PRKAR1B: variants seen among roughly 807,000 people sequenced by gnomAD.
PRKAR1B encodes the protein cAMP-dependent protein kinase type I-beta regulatory subunit.
PRKAR1B carries 22 observed loss-of-function variants against 46.5 expected under a neutral mutation model. That is an observed-to-expected ratio of 0.47 (90% CI 0.34 to 0.68). The LOEUF (loss-of-function observed/expected upper bound fraction) is 0.68, where lower values mean the gene tolerates loss of function less well. Ranked by LOEUF, PRKAR1B falls within the 30% of genes least tolerant of loss-of-function variation. The pLI, the probability that PRKAR1B is intolerant of heterozygous loss-of-function variation, is 0.01. For synonymous variants in PRKAR1B, 259 were observed against 217.7 expected (o/e 1.19, Z -1.67); for missense variants, 445 against 535.6 (o/e 0.83, Z 1.67).
chr7:590,031 G>T (rs1043355529), intron 7 of PRKAR1B, among the ~76,000 whole-genome samples: 21 of 152,216 alleles, frequency 1.4e-4, no homozygotes, highest in African/African-American at 5.1e-4. Flanking sequence ...AGGGAGAGGG[G>T]GCTCAACACC....
intron 4 of PRKAR1B, among the ~76,000 whole-genome samples, chr7:628,909 G>A (rs886287383): frequency 1.3e-5 from 2 of 151,928 alleles, no homozygotes; most frequent in Admixed American, 6.6e-5. Flanking sequence ...CGTCGGGGAC[G>A]GGGTGGAGGT....
At chr7:659,396 C>G (rs1417407416) in intron 4 of PRKAR1B, among the ~76,000 whole-genome samples, 1 of 152,162 alleles carries the variant, frequency 6.6e-6, no homozygotes, top group East Asian at 1.9e-4. Flanking sequence ...TAGTGGAGCA[C>G]TTCCAACTGC....
At chr7:565,249 C>G (rs997042110) in intron 9 of PRKAR1B, 70 of 152,272 alleles carry the variant, frequency 4.6e-4, no homozygotes, top group African/African-American at 1.6e-3. Flanking sequence ...AGGTGTCCAG[C>G]TTGGATGTCT....
At chr7:641,752 ATG>A (rs749458480) in intron 4 of PRKAR1B, among the ~76,000 whole-genome samples, 1 of 152,236 alleles carries the variant, frequency 6.6e-6, no homozygotes, top group Non-Finnish European at 1.5e-5. Flanking sequence ...GACTCTATTT[ATG>A]TGTTTATTTA....
chr7:569,178 G>A (rs1264287086), intron 9 of PRKAR1B, among the ~76,000 whole-genome samples: 1 of 152,144 alleles, frequency 6.6e-6, no homozygotes, highest in Non-Finnish European at 1.5e-5. Flanking sequence ...GTCTCAGTCC[G>A]CAAGCGGCAT....
chr7:727,274 A>G lies in PRKAR1B; in HGVS notation c.-87T>C. ...GACCCCTTCGCCGCCGTGCGCCGCG[A>G]GAGCTGCAGCTGCGCCGCCGCCCTG... On this transcript the variant is annotated 5_prime_UTR_variant, in exon 1 of 11. Transcript: ENST00000537384. 1 of 1,320,358 alleles carries G rather than the reference A, an allele frequency of 7.6e-7. No individual in the cohort carries two copies. Among genetic ancestry groups the G allele is most frequent in the East Asian group, 3.2e-5 (1 of 31,154 alleles). The allele number at this position is 1,320,358 out of a possible 1,614,324, so 81.8% of individuals were successfully genotyped here. A position where few individuals can be genotyped will look rare whatever the true frequency, so the allele number is the denominator to read the frequency against.
chr7:601,776 C>T (rs1781616196), intron 6 of PRKAR1B, among the ~76,000 whole-genome samples: 5 of 152,210 alleles, frequency 3.3e-5, no homozygotes, highest in Admixed American at 2.6e-4. Flanking sequence ...GGCCATCCCA[C>T]GTGAGCCTGT....
intron 4 of PRKAR1B, among the ~76,000 whole-genome samples, chr7:610,415 G>C (rs1277324398): frequency 1.3e-5 from 2 of 152,172 alleles, no homozygotes; most frequent in African/African-American, 4.8e-5. Flanking sequence ...AGCCTCACTG[G>C]GTTGCTCCGT....
chr7:616,359 C>T (rs747889773), intron 4 of PRKAR1B, among the ~76,000 whole-genome samples: 1 of 152,246 alleles, frequency 6.6e-6, no homozygotes, highest in Non-Finnish European at 1.5e-5. Flanking sequence ...CCCAGAGTCA[C>T]GCTTCCACCT....
intron 2 of PRKAR1B, among the ~76,000 whole-genome samples, chr7:682,316 C>T (rs1228194951): frequency 3.3e-5 from 5 of 152,130 alleles, no homozygotes; most frequent in African/African-American, 7.2e-5. Context: ...AGGCCAAGTG[C>T]GGTGGCTTCA....
intron 4 of PRKAR1B, among the ~76,000 whole-genome samples, chr7:639,144 C>T (rs1257773656): frequency 6.6e-6 from 1 of 151,982 alleles, no homozygotes; most frequent in Non-Finnish European, 1.5e-5. Flanking sequence ...TGGAAATAGC[C>T]GAGACAGTTT....
At chr7:552,500 C>T (rs1001423618) in intron 9 of PRKAR1B, among the ~76,000 whole-genome samples, 1 of 151,574 alleles carries the variant, frequency 6.6e-6, no homozygotes, top group African/African-American at 2.4e-5. Context: ...CCACCTCCCA[C>T]CCAGGTCCTT....
chr7:581,867 C>G (rs564095704), intron 8 of PRKAR1B, among the ~76,000 whole-genome samples: 1 of 152,256 alleles, frequency 6.6e-6, no homozygotes, highest in South Asian at 2.1e-4. Context: ...AGACATGAGC[C>G]ACCACACCCG....
At chr7:610,623 A>C (rs1044507798) in intron 4 of PRKAR1B, among the ~76,000 whole-genome samples, 9 of 152,204 alleles carry the variant, frequency 5.9e-5, no homozygotes, top group Non-Finnish European at 8.8e-5. Flanking sequence ...GTCTCCAGGC[A>C]ACAGCCCCGA....
At chr7:583,888 G>A (rs1012806435) in intron 8 of PRKAR1B, among the ~76,000 whole-genome samples, 1 of 152,196 alleles carries the variant, frequency 6.6e-6, no homozygotes, top group African/African-American at 2.4e-5. Context: ...TCTAGCCCAA[G>A]GAGCCCCCAC....
intron 9 of PRKAR1B, among the ~76,000 whole-genome samples, chr7:562,899 C>G (rs1778892959): frequency 6.6e-6 from 1 of 152,198 alleles, no homozygotes; most frequent in Non-Finnish European, 1.5e-5. Flanking sequence ...TGCCCTGACC[C>G]TCGCCCGCCA....
At chr7:647,805 CA>C (rs769761277) in intron 4 of PRKAR1B, among the ~76,000 whole-genome samples, 885 of 17,876 alleles carry the variant, frequency 0.05, 15 homozygotes, top group African/African-American at 0.13. Context: ...ACTTCGTCTC[CA>C]AAAAAAAAAA....
chr7:607,926 G>C (rs1489734294), intron 4 of PRKAR1B: 1 of 172,402 alleles, frequency 5.8e-6, no homozygotes, highest in East Asian at 1.8e-4. Flanking sequence ...TGTGCATTCG[G>C]AACCTCTCTG....
intron 4 of PRKAR1B, among the ~76,000 whole-genome samples, chr7:624,685 T>C (rs1314178328): frequency 2.6e-5 from 4 of 152,200 alleles, no homozygotes; most frequent in Non-Finnish European, 4.4e-5. Flanking sequence ...ATGGTCACTA[T>C]AGGCCTATTA....
Sources: gnomAD v4.1 joint callset for allele counts (sites outside exome capture counted in the v4.1 genomes callset) on GRCh38, gnomAD v4.1.1 for gene constraint, MANE v1.5 for transcripts, NCBI Gene and HGNC (gene_info 2026-07-23, HGNC 2026-07-21) for gene names.